The following RPS6KA2 variants were observed in gnomAD, a reference collection of about 807,000 sequenced individuals.
The protein encoded by RPS6KA2 is ribosomal protein S6 kinase alpha-2.
Under a neutral mutation model 91.8 loss-of-function variants are expected in RPS6KA2, and 42 were observed. The observed-to-expected ratio is 0.46, with a 90% CI of 0.36 to 0.59. The LOEUF (loss-of-function observed/expected upper bound fraction) is 0.59, where lower values mean the gene tolerates loss of function less well. Ranked by LOEUF, RPS6KA2 falls within the 20% of genes least tolerant of loss-of-function variation. RPS6KA2 has a pLI of 0.00. For missense variants in RPS6KA2, 798 were observed against 978.5 expected, an observed-to-expected ratio of 0.82 and a Z score of 2.46; for synonymous variants, 414 against 393.6, an observed-to-expected ratio of 1.05 and a Z score of -0.61.
chr6:166,818,020 G>A (rs1257890973), intron 2 of RPS6KA2, among the ~76,000 whole-genome samples: 1 of 151,994 alleles, frequency 6.6e-6, no homozygotes, highest in African/African-American at 2.4e-5. Flanking sequence ...ACTGCGCCCG[G>A]CCCGGCCAAA....
chr6:166,695,290 A>G (rs370881256), intron 2 of RPS6KA2, among the ~76,000 whole-genome samples: 1 of 152,226 alleles, frequency 6.6e-6, no homozygotes, highest in African/African-American at 2.4e-5. Flanking sequence ...CGCTTGAAGA[A>G]TACCCAATGG....
At chr6:166,659,607 G>C (rs1253939431) in intron 2 of RPS6KA2, among the ~76,000 whole-genome samples, 6 of 152,250 alleles carry the variant, frequency 3.9e-5, no homozygotes, top group African/African-American at 1.4e-4. Flanking sequence ...AATCATTCCA[G>C]GGAGTGGAGC....
At chr6:166,420,115 A>C (rs1481366157) in intron 17 of RPS6KA2, among the ~76,000 whole-genome samples, 157 bp from the exon 18 acceptor site, 1 of 152,194 alleles carries the variant, frequency 6.6e-6, no homozygotes, top group African/African-American at 2.4e-5. Context: ...GGCAAAGCCA[A>C]CCCTAAGGTA....
At chr6:166,472,800 G>T (rs1303421868) in intron 10 of RPS6KA2, among the ~76,000 whole-genome samples, 2 of 152,258 alleles carry the variant, frequency 1.3e-5, no homozygotes, top group South Asian at 4.1e-4. Context: ...CGGATGACAC[G>T]CACTGAAGGC....
At chr6:166,844,065 T>TA (rs2128630688) in intron 2 of RPS6KA2, among the ~76,000 whole-genome samples, 1 of 151,696 alleles carries the variant, frequency 6.6e-6, no homozygotes, top group Admixed American at 6.6e-5. Flanking sequence ...TGAAATAGCA[T>TA]AAATAAAAAA....
intron 1 of RPS6KA2, among the ~76,000 whole-genome samples, chr6:166,605,053 G>A (rs537902506): frequency 2.0e-5 from 3 of 152,016 alleles, no homozygotes; most frequent in Admixed American, 6.5e-5. Context: ...GCTTCACTGC[G>A]ACCACGTGGC....
At chr6:166,784,992 C>T (rs533498839) in intron 2 of RPS6KA2, among the ~76,000 whole-genome samples, 13 of 152,330 alleles carry the variant, frequency 8.5e-5, no homozygotes, top group African/African-American at 2.4e-4. Flanking sequence ...CCCCAGCTTG[C>T]CCTGGCTGTC....
chr6:166,420,684 T>A (rs1778692456), intron 17 of RPS6KA2, among the ~76,000 whole-genome samples: 2 of 152,236 alleles, frequency 1.3e-5, no homozygotes, highest in African/African-American at 4.8e-5. Flanking sequence ...TTGTGAATAG[T>A]GCTGCTATGA....
At chr6:166,851,055 C>T (rs897900988) in intron 2 of RPS6KA2, among the ~76,000 whole-genome samples, 4 of 152,238 alleles carry the variant, frequency 2.6e-5, no homozygotes, top group African/African-American at 7.2e-5. Context: ...CTCTGCTATA[C>T]TTAGCAAATT....
At chr6:166,627,661 T>A (rs1786945674), upstream of RPS6KA2, 1 of 152,074 alleles carries the variant, frequency 6.6e-6, no homozygotes, top group Admixed American at 6.5e-5. Flanking sequence ...CCGGGACAGC[T>A]CCCGGCCCGG....
At chr6:166,575,907 T>C (rs1342964572) in intron 1 of RPS6KA2, among the ~76,000 whole-genome samples, 3 of 152,348 alleles carry the variant, frequency 2.0e-5, no homozygotes, top group East Asian at 1.9e-4. Flanking sequence ...AAATAGGTGA[T>C]ATGGTTTGGT....
chr6:166,760,982 C>CCCTT (rs1165379254), intron 2 of RPS6KA2, among the ~76,000 whole-genome samples: 3 of 152,144 alleles, frequency 2.0e-5, no homozygotes, highest in African/African-American at 7.2e-5. Context: ...GCAATGGAAA[C>CCCTT]CCTTCATTCT....
At position 166,626,954 on chromosome 6, in the gene RPS6KA2, C is replaced by CG; in HGVS notation, c.65dup (p.Arg23AlafsTer30). The CG allele has an allele frequency of 6.4e-7, 1 of 1,564,212 alleles. No individual in the cohort carries two copies. The highest frequency in any genetic ancestry group is 8.7e-7 in the Non-Finnish European group (1 of 1,154,714). ...GGCTCAGGCTGGAGCTCTTGGAGCG[C>CG]GACTTCCTGCGCAGGTACACAGAGA... is the stretch of plus-strand genomic sequence containing the variant. On this transcript the variant is annotated frameshift_variant, in exon 1 of 21. Transcript: ENST00000265678. LOFTEE classifies it high-confidence loss of function. This position sits in a 1 kb window ranked among gnomAD's most constrained non-coding sequence, Gnocchi z 4.1.
chr6:166,781,888 G>A (rs1011786275), intron 2 of RPS6KA2, among the ~76,000 whole-genome samples: 3 of 152,220 alleles, frequency 2.0e-5, no homozygotes, highest in Non-Finnish European at 2.9e-5. Context: ...TGACTCTGTC[G>A]TGGGGCCTGT....
At chr6:166,625,629 C>T (rs1786844664) in intron 1 of RPS6KA2, among the ~76,000 whole-genome samples, 1 of 150,336 alleles carries the variant, frequency 6.7e-6, no homozygotes, top group East Asian at 1.9e-4. Flanking sequence ...AAGATAAATA[C>T]TGTTCTGAGT....
At position 166,691,450 on chromosome 6, in the gene RPS6KA2, TC is replaced by T. The variant is rs574421906; in HGVS notation, c.124-152667del. Reference sequence around the variant, plus strand: ...TCCCTGCCCCAGGCGCCCGACACCTTCCCCGCCAAGCTCTCTGTTCCCCTGC... The same window carrying T: ...TCCCTGCCCCAGGCGCCCGACACCTTCCCGCCAAGCTCTCTGTTCCCCTGC... On this transcript the variant is annotated intron_variant, in intron 2 of 21. Coordinates refer to the RPS6KA2 transcript ENST00000503859. Among the ~76,000 whole-genome samples the T allele has an allele frequency of 6.1e-3, 925 of 152,212 alleles. 16 individuals carry two copies. The highest frequency in any genetic ancestry group is 0.019 in the African/African-American group (794 of 41,504).
chr6:166,615,236 G>C (rs1786360838), intron 1 of RPS6KA2, among the ~76,000 whole-genome samples: 1 of 152,214 alleles, frequency 6.6e-6, no homozygotes, highest in South Asian at 2.1e-4. Context: ...AGCATAGATA[G>C]ATGTTCCACT....
At chr6:166,765,420 C>G (rs1430773463) in intron 2 of RPS6KA2, among the ~76,000 whole-genome samples, 1 of 152,254 alleles carries the variant, frequency 6.6e-6, no homozygotes, top group African/African-American at 2.4e-5. Flanking sequence ...CCTCCAAGAT[C>G]CCTGCTGCCC....
chr6:166,791,457 G>A (rs539076706), intron 2 of RPS6KA2, among the ~76,000 whole-genome samples: 8 of 152,242 alleles, frequency 5.3e-5, no homozygotes, highest in African/African-American at 1.7e-4. Flanking sequence ...ACAAGTCAAC[G>A]AGACAGAAAT....
Sources: gnomAD v4.1 joint callset for allele counts (sites outside exome capture counted in the v4.1 genomes callset) on GRCh38, gnomAD v4.1.1 for gene constraint, Gnocchi (gnomAD v3.1) non-coding constraint, MANE v1.5 for transcripts, NCBI Gene and HGNC (gene_info 2026-07-23, HGNC 2026-07-21) for gene names.